Variants in HDGFL3 observed in about 807,000 individuals in gnomAD.
The protein encoded by HDGFL3 is hepatoma-derived growth factor-related protein 3.
Under a neutral mutation model 27.6 loss-of-function variants are expected in HDGFL3, and 6 were observed. The observed-to-expected ratio is 0.22, with a 90% CI of 0.12 to 0.43. The LOEUF (loss-of-function observed/expected upper bound fraction) is 0.43. Among genes scored for constraint, HDGFL3 ranks in the 20% least tolerant of loss-of-function variants. HDGFL3 has a pLI of 1.00. For synonymous variants in HDGFL3, 88 were observed against 88.9 expected (o/e 0.99, Z 0.05); for missense variants, 207 against 250.1 (o/e 0.83, Z 1.16).
exon 4 of HDGFL3, chr15:83,115,205 C>T: frequency 1.3e-5 from 2 of 157,750 alleles, no homozygotes; most frequent in Non-Finnish European, 1.4e-5. Flanking sequence ...GCAACCTCCG[C>T]CTCCTGGGTT....
chr15:83,119,774 G>C, intron 3 of HDGFL3: 1 of 1,578,566 alleles, frequency 6.3e-7, no homozygotes, highest in Non-Finnish European at 8.6e-7. Flanking sequence ...AAATACACAA[G>C]CAGGTATACT....
At chr15:83,169,139 T>C (rs1596556406) in intron 1 of HDGFL3, 1 of 398,782 alleles carries the variant, frequency 2.5e-6, no homozygotes, top group East Asian at 8.4e-5. Context: ...CCATATATGA[T>C]AAACCCACAG....
intron 1 of HDGFL3, among the ~76,000 whole-genome samples, chr15:83,167,257 A>G (rs572884614): frequency 6.6e-6 from 1 of 152,282 alleles, no homozygotes; most frequent in East Asian, 1.9e-4. Flanking sequence ...CAACAACAGT[A>G]AAAAAAGGAC....
intron 4 of HDGFL3, 26 bp downstream of exon 4, chr15:83,157,389 A>AT (rs1175129210): frequency 6.3e-7 from 1 of 1,593,322 alleles, no homozygotes. Flanking sequence ...TATAACATTA[A>AT]TAACAATGAG....
chr15:83,207,517 A>G lies in HDGFL3; in HGVS notation c.-103T>C, dbSNP rs1229739123. 1.8e-5 allele frequency: 17 copies of G among 937,894 alleles called. No individual in the cohort carries two copies. The highest frequency in any genetic ancestry group is 1.9e-5 in the Non-Finnish European group (14 of 720,232). The allele number at this position is 937,894 out of a possible 1,614,324, so 58.1% of individuals were successfully genotyped here. Reference sequence around the variant, plus strand: ...TGCGCCGCGCTCCCCGCGGGCCTCAAGCCGGGCGGACGAGCGGCCGCTCCG... The same window carrying G: ...TGCGCCGCGCTCCCCGCGGGCCTCAGGCCGGGCGGACGAGCGGCCGCTCCG... On this transcript the variant is annotated 5_prime_UTR_variant, in exon 1 of 6. Transcript: ENST00000299633. This position sits in a 1 kb window ranked among gnomAD's most constrained non-coding sequence, Gnocchi z 4.8.
chr15:83,149,063 A>C (rs2036934170), intron 5 of HDGFL3, among the ~76,000 whole-genome samples: 1 of 152,104 alleles, frequency 6.6e-6, no homozygotes, highest in African/African-American at 2.4e-5. Context: ...TTTTGTATAT[A>C]ACAAATATAT....
At chr15:83,157,853 TA>T (rs780897614) in intron 3 of HDGFL3, 49 bp downstream of exon 3, 1 of 1,562,438 alleles carries the variant, frequency 6.4e-7, no homozygotes. Flanking sequence ...GAAAAAGCGT[TA>T]AAACCAAAGA....
downstream of HDGFL3, among the ~76,000 whole-genome samples, chr15:83,126,391 G>A (rs1349730768): frequency 6.6e-6 from 1 of 152,198 alleles, no homozygotes; most frequent in Non-Finnish European, 1.5e-5. Flanking sequence ...GATGAATTTG[G>A]TGTAGAAATA....
chr15:83,164,649 G>A (rs1193580371), intron 1 of HDGFL3, among the ~76,000 whole-genome samples: 5 of 152,080 alleles, frequency 3.3e-5, no homozygotes, highest in Non-Finnish European at 4.4e-5. Context: ...ATTGCTTACA[G>A]CATTCCTAGC....
intron 1 of HDGFL3, among the ~76,000 whole-genome samples, chr15:83,194,955 A>T (rs987992392): frequency 6.6e-6 from 1 of 152,202 alleles, no homozygotes; most frequent in Non-Finnish European, 1.5e-5. Context: ...AAAGCAATAG[A>T]ACAAAATGTA....
At chr15:83,113,955 T>G (rs1234188014) in exon 4 of HDGFL3, 1 of 152,258 alleles carries the variant, frequency 6.6e-6, no homozygotes, top group East Asian at 1.9e-4. Flanking sequence ...GGAAGAATTG[T>G]GAGTAACTAG....
chr15:83,194,861 A>G (rs541899048), intron 1 of HDGFL3, among the ~76,000 whole-genome samples: 1 of 152,362 alleles, frequency 6.6e-6, no homozygotes, highest in Admixed American at 6.5e-5. Flanking sequence ...AACAACACTG[A>G]AAATCATCTT....
At chr15:83,147,761 G>C (rs1178989722) in intron 5 of HDGFL3, among the ~76,000 whole-genome samples, 4 of 152,126 alleles carry the variant, frequency 2.6e-5, no homozygotes, top group African/African-American at 9.7e-5. Context: ...AGCCATAAAA[G>C]GAAAGTCTGA....
Position 83,136,395 on chromosome 15 carries a change from A to C in HDGFL3, c.*2875T>G. 8.5e-7 allele frequency: 1 copy of C among 1,179,806 alleles called. No homozygotes were observed. The highest frequency in any genetic ancestry group is 1.2e-6 in the Non-Finnish European group (1 of 859,256). The allele number at this position is 1,179,806 out of a possible 1,614,324, so 73.1% of individuals were successfully genotyped here. The stretch of plus-strand genomic sequence containing the variant: ...ACTGGTTTTGAGGGCACAGAAACGT[A>C]GCCTGAATGAACCATTCAGAACTCA... On this transcript the variant is annotated 3_prime_UTR_variant, in exon 6 of 6. Transcript: ENST00000299633.
At chr15:83,174,619 A>C (rs1424956450) in intron 1 of HDGFL3, among the ~76,000 whole-genome samples, 2 of 152,226 alleles carry the variant, frequency 1.3e-5, no homozygotes, top group African/African-American at 2.4e-5. Context: ...GTATATTCAC[A>C]TTACTGTGAA....
rs1435660936 is a variant in HDGFL3, at chr15:83,167,549, G to C, written c.85-3474C>G. On this transcript the variant is annotated intron_variant, in intron 1 of 5. Coordinates refer to ENST00000299633, the MANE Select transcript of HDGFL3 (RefSeq NM_016073.4). ...CCTCCAGGCCTGGGTGGCAAAGTGAGACTCCATCTCAAGAAAAAAAAAAAA... is the reference window on the plus strand; with the variant it reads ...CCTCCAGGCCTGGGTGGCAAAGTGACACTCCATCTCAAGAAAAAAAAAAAA... Among the ~76,000 whole-genome samples, 3 of 145,510 alleles carry C rather than the reference G, an allele frequency of 2.1e-5. No homozygotes were observed. In the South Asian group the frequency reaches 6.5e-4, roughly 31 times the overall value.
chr15:83,145,687 C>CTAAA (rs2151395513), intron 5 of HDGFL3, among the ~76,000 whole-genome samples: 1 of 152,180 alleles, frequency 6.6e-6, no homozygotes, highest in African/African-American at 2.4e-5. Flanking sequence ...TCTCCTTACT[C>CTAAA]TTTAAAGATT....
chr15:83,162,648 G>C (rs2037115748), intron 2 of HDGFL3, among the ~76,000 whole-genome samples: 1 of 151,970 alleles, frequency 6.6e-6, no homozygotes, highest in African/African-American at 2.4e-5. Context: ...AAAACTTCCT[G>C]AGAGAAATTA....
chr15:83,202,186 T>C (rs899704482), intron 1 of HDGFL3, among the ~76,000 whole-genome samples: 1 of 152,176 alleles, frequency 6.6e-6, no homozygotes, highest in African/African-American at 2.4e-5. Flanking sequence ...TGTTTTAGAA[T>C]TGCTGCAAAT....
Sources: allele counts gnomAD v4.1 joint callset (sites outside exome capture counted in the v4.1 genomes callset), GRCh38; gene constraint gnomAD v4.1.1; non-coding constraint Gnocchi (gnomAD v3.1); transcripts MANE v1.5; gene names NCBI Gene and HGNC (gene_info 2026-07-23, HGNC 2026-07-21).